Variants in EPHA6 observed in about 807,000 individuals in gnomAD.
EPHA6 encodes the protein EPH receptor A6, also known as ephrin type-A receptor 6.
A neutral mutation model predicts 112.0 loss-of-function variants in EPHA6; 50 were observed. The ratio of observed to expected loss-of-function variants is 0.45; its 90% CI spans 0.36 to 0.56. The LOEUF (loss-of-function observed/expected upper bound fraction) is 0.56. Among genes scored for constraint, EPHA6 ranks in the 20% least tolerant of loss-of-function variants. EPHA6 has a pLI of 0.00. For missense variants in EPHA6, 1,280 were observed against 1,417.4 expected, an observed-to-expected ratio of 0.90 and a Z score of 1.56; for synonymous variants, 529 against 490.7, an observed-to-expected ratio of 1.08 and a Z score of -1.03.
chr3:97,082,050 TG>T (rs1193056601), intron 3 of EPHA6, among the ~76,000 whole-genome samples: 3 of 151,724 alleles, frequency 2.0e-5, no homozygotes, highest in African/African-American at 7.2e-5. Flanking sequence ...AATTTTTGAT[TG>T]AAAAGTAAAA....
At chr3:97,055,317 C>T (rs1161052933) in intron 3 of EPHA6, among the ~76,000 whole-genome samples, 3 of 151,984 alleles carry the variant, frequency 2.0e-5, no homozygotes, top group African/African-American at 7.2e-5. Context: ...CATTTAAGTC[C>T]TAGGAGTGTT....
rs1299948774 is a variant in EPHA6, at chr3:97,184,734, C to CA, written c.1115-41524dup. Among the ~76,000 whole-genome samples the CA allele has an allele frequency of 3.9e-5, 6 of 152,040 alleles. No homozygotes were observed. In the East Asian group the frequency reaches 1.2e-3, roughly 29 times the overall value. On this transcript the variant is annotated intron_variant, in intron 3 of 17. Transcript: ENST00000389672. ...AACTACTTTAAAGTTCATATGGAACCAAAAAAGAGTCCACATTGCCAAGTC... is the reference window on the plus strand; with the variant it reads ...AACTACTTTAAAGTTCATATGGAACCAAAAAAAGAGTCCACATTGCCAAGTC...
intron 5 of EPHA6, among the ~76,000 whole-genome samples, chr3:97,350,936 A>G (rs1255186122): frequency 6.6e-6 from 1 of 152,186 alleles, no homozygotes; most frequent in Non-Finnish European, 1.5e-5. Flanking sequence ...ATGAGATGTC[A>G]GGAAATCCTA....
intron 2 of EPHA6, among the ~76,000 whole-genome samples, chr3:96,893,774 G>T (rs74370774): frequency 0.023 from 3,465 of 152,234 alleles, 135 homozygotes; most frequent in African/African-American, 0.079. Context: ...AAAGCAAAAA[G>T]ATTGTTTGCT....
At chr3:97,690,862 T>C (rs2032618244) in intron 14 of EPHA6, among the ~76,000 whole-genome samples, 1 of 152,250 alleles carries the variant, frequency 6.6e-6, no homozygotes, top group African/African-American at 2.4e-5. Flanking sequence ...TCAGATAGTA[T>C]ATGATTTGTA....
intron 14 of EPHA6, among the ~76,000 whole-genome samples, chr3:97,648,745 C>A (rs1370321981): frequency 6.6e-6 from 1 of 152,056 alleles, no homozygotes; most frequent in African/African-American, 2.4e-5. Context: ...GTTTCAATTA[C>A]AATTATATAA....
intron 16 of EPHA6, among the ~76,000 whole-genome samples, chr3:97,743,338 C>A (rs932593654): frequency 3.3e-5 from 5 of 152,040 alleles, no homozygotes; most frequent in Non-Finnish European, 7.4e-5. Context: ...TGAGTGCCTA[C>A]ACAAAAACAG....
chr3:97,584,692 C>A (rs1320031017), intron 11 of EPHA6, among the ~76,000 whole-genome samples: 1 of 152,082 alleles, frequency 6.6e-6, no homozygotes, highest in Non-Finnish European at 1.5e-5. Context: ...GGAGATGATA[C>A]CTGCCAAAAC....
intron 5 of EPHA6, among the ~76,000 whole-genome samples, chr3:97,269,385 A>C (rs2108636906): frequency 6.6e-6 from 1 of 152,010 alleles, no homozygotes; most frequent in East Asian, 1.9e-4. Context: ...TTCTCTCACA[A>C]TTTCTATGGG....
At chr3:97,167,221 A>G (rs2076562602) in intron 3 of EPHA6, among the ~76,000 whole-genome samples, 1 of 152,222 alleles carries the variant, frequency 6.6e-6, no homozygotes, top group Non-Finnish European at 1.5e-5. Flanking sequence ...GGGTTTGATA[A>G]GAAATCAAAA....
intron 7 of EPHA6, among the ~76,000 whole-genome samples, chr3:97,454,855 A>C (rs1577459677): frequency 6.6e-6 from 1 of 152,056 alleles, no homozygotes; most frequent in African/African-American, 2.4e-5. Context: ...ATGAAGCAGA[A>C]AGAGGACCAG....
chr3:97,655,231 C>G (rs181452700), intron 14 of EPHA6, among the ~76,000 whole-genome samples: 1 of 151,428 alleles, frequency 6.6e-6, no homozygotes, highest in Non-Finnish European at 1.5e-5. Flanking sequence ...ACAAGTCACA[C>G]GGCTATTCCA....
chr3:97,452,676 A>G (rs1463036141), intron 7 of EPHA6, among the ~76,000 whole-genome samples: 1 of 151,712 alleles, frequency 6.6e-6, no homozygotes, highest in East Asian at 1.9e-4. Flanking sequence ...CTTGGGAGAT[A>G]GTTGGAAATT....
At chr3:97,477,448 AAGGGGAGGGG>A (rs138218579) in intron 8 of EPHA6, among the ~76,000 whole-genome samples, 3 of 134,282 alleles carry the variant, frequency 2.2e-5, no homozygotes, top group Non-Finnish European at 3.2e-5. Flanking sequence ...AAGGGAAGGG[AAGGGGAGGGG>A]AGGGGAGGGG....
intron 1 of EPHA6, among the ~76,000 whole-genome samples, chr3:96,851,298 T>G (rs1452884608): frequency 6.6e-6 from 1 of 152,072 alleles, no homozygotes; most frequent in Non-Finnish European, 1.5e-5. Flanking sequence ...AATAAAGAAA[T>G]GTAAAGGGAA....
intron 13 of EPHA6, among the ~76,000 whole-genome samples, chr3:97,631,966 T>A (rs183118542): frequency 1.1e-4 from 16 of 152,096 alleles, no homozygotes; most frequent in African/African-American, 3.9e-4. Flanking sequence ...CCATTGAAGA[T>A]CTAGAAAGAA....
At chr3:97,357,385 TAG>T (rs2084137886) in intron 5 of EPHA6, among the ~76,000 whole-genome samples, 2 of 152,092 alleles carry the variant, frequency 1.3e-5, no homozygotes, top group African/African-American at 2.4e-5. Context: ...TTCTTTATAG[TAG>T]AACCGGGTTT....
chr3:97,624,231 G>A (rs1481791957), intron 13 of EPHA6, among the ~76,000 whole-genome samples: 1 of 151,546 alleles, frequency 6.6e-6, no homozygotes, highest in Non-Finnish European at 1.5e-5. Flanking sequence ...CTAGCTTGTT[G>A]AGTGTTTTTA....
intron 3 of EPHA6, among the ~76,000 whole-genome samples, chr3:97,126,277 G>T (rs146581705): frequency 6.6e-6 from 1 of 152,214 alleles, no homozygotes; most frequent in African/African-American, 2.4e-5. Flanking sequence ...TAGTTCTCTT[G>T]TCTCAGAATC....
Sources: gnomAD v4.1 joint callset for allele counts (sites outside exome capture counted in the v4.1 genomes callset) on GRCh38, gnomAD v4.1.1 for gene constraint, MANE v1.5 for transcripts, NCBI Gene and HGNC (gene_info 2026-07-23, HGNC 2026-07-21) for gene names.